ARHGAP15: variants seen among roughly 807,000 people sequenced by gnomAD.
ARHGAP15 encodes Rho GTPase activating protein 15.
Under a neutral mutation model 63.7 loss-of-function variants are expected in ARHGAP15, and 51 were observed. The observed-to-expected ratio is 0.80, with a 90% CI of 0.64 to 1.01. The LOEUF (loss-of-function observed/expected upper bound fraction) is 1.01. Among genes scored for constraint, ARHGAP15 ranks in the 50% least tolerant of loss-of-function variants. ARHGAP15 has a pLI of 0.00. For synonymous variants in ARHGAP15, 191 were observed against 193.8 expected (o/e 0.99, Z 0.12); for missense variants, 560 against 564.6 (o/e 0.99, Z 0.08).
At chr2:143,515,830 T>C (rs1164408702) in intron 9 of ARHGAP15, among the ~76,000 whole-genome samples, 1 of 152,234 alleles carries the variant, frequency 6.6e-6, no homozygotes, top group East Asian at 1.9e-4. Flanking sequence ...CTGGCAAGAT[T>C]TAAGATGCTT....
At chr2:143,577,899 C>T (rs936511592) in intron 11 of ARHGAP15, among the ~76,000 whole-genome samples, 12 of 152,208 alleles carry the variant, frequency 7.9e-5, no homozygotes, top group African/African-American at 2.9e-4. Flanking sequence ...CTCTCTACAA[C>T]GAGTAAGTGA....
chr2:143,330,897 T>G (rs1403415551), intron 6 of ARHGAP15, among the ~76,000 whole-genome samples: 1 of 152,228 alleles, frequency 6.6e-6, no homozygotes, highest in Non-Finnish European at 1.5e-5. Flanking sequence ...GATTTCCTTA[T>G]GAAGGATGTT....
intron 13 of ARHGAP15, among the ~76,000 whole-genome samples, chr2:143,759,669 G>A (rs769954777): frequency 1.3e-5 from 2 of 151,988 alleles, no homozygotes; most frequent in Non-Finnish European, 2.9e-5. Context: ...CACCACCAGG[G>A]TATTGTACCT....
intron 6 of ARHGAP15, among the ~76,000 whole-genome samples, chr2:143,335,296 A>T (rs866549080): frequency 1.3e-5 from 2 of 152,224 alleles, no homozygotes; most frequent in Admixed American, 6.5e-5. Flanking sequence ...TAAATTAAAA[A>T]TGTCCTTATA....
chr2:143,473,218 T>A (rs1402481239), intron 8 of ARHGAP15, among the ~76,000 whole-genome samples: 1 of 152,142 alleles, frequency 6.6e-6, no homozygotes, highest in African/African-American at 2.4e-5. Context: ...AGCAATAAAT[T>A]TCCATTTTCC....
chr2:143,767,766 T>C (rs1214735475), intron 13 of ARHGAP15, among the ~76,000 whole-genome samples: 1 of 152,196 alleles, frequency 6.6e-6, no homozygotes, highest in Non-Finnish European at 1.5e-5. Flanking sequence ...GTACCCACAA[T>C]GCTCAGCTAT....
rs1558897945 is a variant in ARHGAP15 at position 143,330,122 on chromosome 2, A to AAAAAAAAC, written c.474+79529_474+79530insCAAAAAAA. Among the ~76,000 whole-genome samples, 4 of 81,390 alleles carry AAAAAAAAC rather than the reference A, an allele frequency of 4.9e-5. 1 individual carries two copies. The highest frequency in any genetic ancestry group is 1.1e-4 in the Non-Finnish European group (4 of 37,840). 53.4% of individuals were successfully genotyped at this position (81,390 alleles called of 152,430 possible). On this transcript the variant is annotated intron_variant, in intron 6 of 13. Coordinates refer to ENST00000295095, the MANE Select transcript of ARHGAP15 (RefSeq NM_018460.4). ...AAAAAAAAAAAAAAAAAAAAAAAAA[A>AAAAAAAAC]AAAAAAAAACCAAAAACAAAAAACT...
intron 6 of ARHGAP15, among the ~76,000 whole-genome samples, chr2:143,299,163 G>A (rs1682782055): frequency 6.6e-6 from 1 of 151,782 alleles, no homozygotes; most frequent in African/African-American, 2.4e-5. Flanking sequence ...AAATAATGAA[G>A]GATTAAACTT....
In ARHGAP15 at chr2:143,456,217, G is replaced by C. The variant is rs374138388; in HGVS notation, c.703+19175G>C. The stretch of plus-strand genomic sequence containing the variant: ...CAGAATAGTGTCTGGAGTATAGTAA[G>C]TTTTCATTAAATGTTGGCTATTAAC... On this transcript the variant is annotated intron_variant, in intron 8 of 13. Transcript: ENST00000295095. 2.0e-5 allele frequency among the ~76,000 whole-genome samples: 3 copies of C among 152,046 alleles called. No individual in the cohort carries two copies. In the East Asian group the frequency reaches 5.8e-4, roughly 29 times the overall value.
intron 12 of ARHGAP15, among the ~76,000 whole-genome samples, chr2:143,644,820 A>G (rs994627758): frequency 2.0e-5 from 3 of 152,040 alleles, no homozygotes; most frequent in Admixed American, 1.3e-4. Context: ...TCTAGTCCTC[A>G]TTTTAAATGT....
intron 11 of ARHGAP15, among the ~76,000 whole-genome samples, chr2:143,590,071 G>A (rs1349448768): frequency 6.6e-6 from 1 of 152,164 alleles, no homozygotes; most frequent in African/African-American, 2.4e-5. Context: ...CCATGAAGCA[G>A]TCACTGCTTT....
intron 11 of ARHGAP15, among the ~76,000 whole-genome samples, chr2:143,559,104 T>C (rs1360406052): frequency 6.6e-6 from 1 of 152,164 alleles, no homozygotes; most frequent in East Asian, 1.9e-4. Context: ...TCTTACAATA[T>C]AGTTTATGCT....
intron 4 of ARHGAP15, among the ~76,000 whole-genome samples, 186 bp downstream of exon 4, chr2:143,216,631 T>C (rs917815342): frequency 6.6e-6 from 1 of 152,210 alleles, no homozygotes; most frequent in Non-Finnish European, 1.5e-5. Context: ...CACTACATTC[T>C]ATATTGTCGA....
intron 6 of ARHGAP15, among the ~76,000 whole-genome samples, chr2:143,334,369 T>C (rs1315399800): frequency 6.6e-6 from 1 of 152,174 alleles, no homozygotes; most frequent in Non-Finnish European, 1.5e-5. Flanking sequence ...ATATACCTTA[T>C]TTTTTTCTAG....
At chr2:143,175,472 G>A (rs531314877) in intron 2 of ARHGAP15, among the ~76,000 whole-genome samples, 3 of 152,138 alleles carry the variant, frequency 2.0e-5, no homozygotes, top group African/African-American at 2.4e-5. Context: ...GAGGCCTTGT[G>A]GTTGTCAGAG....
intron 12 of ARHGAP15, among the ~76,000 whole-genome samples, chr2:143,646,398 A>G (rs1680880343): frequency 6.6e-6 from 1 of 152,062 alleles, no homozygotes; most frequent in African/African-American, 2.4e-5. Flanking sequence ...TCTCAGTTGG[A>G]GGCTCTGCCT....
intron 4 of ARHGAP15, among the ~76,000 whole-genome samples, chr2:143,217,994 C>A (rs919263796): frequency 2.0e-5 from 3 of 152,018 alleles, no homozygotes; most frequent in African/African-American, 7.3e-5. Flanking sequence ...TGTCCATAAC[C>A]CCTCTGTAAA....
intron 6 of ARHGAP15, among the ~76,000 whole-genome samples, chr2:143,432,198 A>G (rs1275172423): frequency 6.6e-6 from 1 of 152,024 alleles, no homozygotes; most frequent in East Asian, 1.9e-4. Context: ...AGAAGTTCTA[A>G]AAAAGGTTTT....
intron 11 of ARHGAP15, among the ~76,000 whole-genome samples, chr2:143,599,075 AG>A (rs1697650917): frequency 6.6e-6 from 1 of 152,096 alleles, no homozygotes; most frequent in African/African-American, 2.4e-5. Context: ...AGGGTTGCAA[AG>A]TGAAGTTGAG....
Sources: gnomAD v4.1 joint callset for allele counts (sites outside exome capture counted in the v4.1 genomes callset) on GRCh38, gnomAD v4.1.1 for gene constraint, MANE v1.5 for transcripts, NCBI Gene and HGNC (gene_info 2026-07-23, HGNC 2026-07-21) for gene names.